DYRK3: variants seen among roughly 807,000 people sequenced by gnomAD.
DYRK3 encodes dual specificity tyrosine phosphorylation regulated kinase 3, also known as dual specificity tyrosine-phosphorylation-regulated kinase 3.
Under a neutral mutation model 40.8 loss-of-function variants are expected in DYRK3, and 30 were observed. The observed-to-expected ratio is 0.74, with a 90% CI of 0.55 to 1.00. DYRK3 has a LOEUF of 1.00. DYRK3 is among the 50% of genes least tolerant of loss of function. The pLI is 0.00. For synonymous variants in DYRK3, 272 were observed against 260.7 expected (o/e 1.04, Z -0.42); for missense variants, 699 against 731.5 (o/e 0.96, Z 0.51).
chr1:206,649,961 A>G lies in DYRK3; in HGVS notation c.*996A>G, dbSNP rs1553421095. On this transcript the variant is annotated 3_prime_UTR_variant, in exon 3 of 3. Transcript: ENST00000367109. Reference sequence around the variant, plus strand: ...TCCCCCCACTTTCACGTTAAGCTTAATGCTATTCCCTAGATCTGAGTGAAC... The same window carrying G: ...TCCCCCCACTTTCACGTTAAGCTTAGTGCTATTCCCTAGATCTGAGTGAAC... Among the ~76,000 whole-genome samples the G allele has an allele frequency of 5.9e-5, 9 of 152,216 alleles. No individual in the cohort carries two copies.
rs1035422763 is a variant in DYRK3 at position 206,654,688 on chromosome 1, C to T, written c.*5723C>T. Reference sequence around the variant, plus strand: ...TCAATGAGAAAAGATTTTAGAGTCACAGTGAACCCATCCATAAAAGGACTA... The same window carrying T: ...TCAATGAGAAAAGATTTTAGAGTCATAGTGAACCCATCCATAAAAGGACTA... On this transcript the variant is annotated 3_prime_UTR_variant, in exon 3 of 3. Coordinates refer to ENST00000367109, the MANE Select transcript of DYRK3 (RefSeq NM_003582.4). 6.6e-6 allele frequency among the ~76,000 whole-genome samples: 1 copy of T among 152,170 alleles called. No homozygotes were observed. The highest frequency in any genetic ancestry group is 1.5e-5 in the Non-Finnish European group (1 of 68,036).
chr1:206,647,598 A>G lies in DYRK3; in HGVS notation c.400A>G (p.Lys134Glu). 1 of 1,614,208 alleles carries G rather than the reference A, an allele frequency of 6.2e-7. No homozygotes were observed. The highest frequency in any genetic ancestry group is 8.5e-7 in the Non-Finnish European group (1 of 1,180,040). The change falls in exon 3 of 3, where the codon AAG becomes GAG. Residue 134 changes from lysine to glutamate, a missense_variant. Transcript: ENST00000367109. ...TACAGTAAAATCCAACAGTTCATCC[A>G]AGGCACCCAAAGTGGTGCCTCTGAC... Reference protein sequence around the residue: ...LNTVKSNSSSKAPKVVPLTPE... With the variant: ...LNTVKSNSSSEAPKVVPLTPE...
intron 1 of DYRK3, chr1:206,636,768 A>ATG (rs2102327780): frequency 1.7e-6 from 1 of 577,392 alleles, no homozygotes; most frequent in East Asian, 2.9e-5. Context: ...TGAAATGCTG[A>ATG]TGTGTGTAAC....
In DYRK3 at chr1:206,635,771, A is replaced by T; in HGVS notation, c.68A>T (p.Gln23Leu). The change falls in exon 1 of 3, where the codon CAG becomes CTG. Residue 23 changes from glutamine (Q) to leucine (L), a missense_variant. Transcript: ENST00000367109. The part of the protein sequence containing the change: ...AGPPGAGLPP[Q>L]QRRLGDGVYD... ...CCGCCTGGGGCCGGGCTCCCGCCCCAGCAGCGGAGGTAACGGCGCCACGGG... is the reference window on the plus strand; with the variant it reads ...CCGCCTGGGGCCGGGCTCCCGCCCCTGCAGCGGAGGTAACGGCGCCACGGG... The T allele has an allele frequency of 1.6e-6, 2 of 1,244,758 alleles. No homozygotes were observed. Among genetic ancestry groups the T allele is most frequent in the Non-Finnish European group, 1.0e-6 (1 of 989,528 alleles). The allele number at this position is 1,244,758 out of a possible 1,614,324, so 77.1% of individuals were successfully genotyped here. A position where few individuals can be genotyped will look rare whatever the true frequency, so the allele number is the denominator to read the frequency against.
chr1:206,641,448 T>C (rs188925854), intron 2 of DYRK3, among the ~76,000 whole-genome samples: 1 of 149,826 alleles, frequency 6.7e-6, no homozygotes, highest in Non-Finnish European at 1.5e-5. Context: ...TTCTATGGTA[T>C]ATATATATAT....
At chr1:206,642,986 T>C (rs1344661761) in intron 2 of DYRK3, among the ~76,000 whole-genome samples, 1 of 152,122 alleles carries the variant, frequency 6.6e-6, no homozygotes, top group Non-Finnish European at 1.5e-5. Context: ...GTGGAAAAAT[T>C]ACCTCCCAGA....
Position 206,654,370 on chromosome 1 carries a change from T to C in DYRK3, c.*5405T>C, listed in dbSNP as rs1671701028. On this transcript the variant is annotated 3_prime_UTR_variant, in exon 3 of 3. Coordinates refer to ENST00000367109, the MANE Select transcript of DYRK3 (RefSeq NM_003582.4). ...CAATCTGTAGAACGCTATAACTTACTATGCGTAGAGCAGCGGCAGGCATTC... is the reference window on the plus strand; with the variant it reads ...CAATCTGTAGAACGCTATAACTTACCATGCGTAGAGCAGCGGCAGGCATTC... 6.6e-6 allele frequency among the ~76,000 whole-genome samples: 1 copy of C among 152,242 alleles called. No homozygotes were observed. The highest frequency in any genetic ancestry group is 2.4e-5 in the African/African-American group (1 of 41,464).
In DYRK3 at chr1:206,654,213, A is replaced by T. The variant is rs1671698580; in HGVS notation, c.*5248A>T. Among the ~76,000 whole-genome samples the T allele has an allele frequency of 6.6e-6, 1 of 152,226 alleles. No homozygotes were observed. Among genetic ancestry groups the T allele is most frequent in the Non-Finnish European group, 1.5e-5 (1 of 68,040 alleles). Reference sequence around the variant, plus strand: ...GATGTCATCAACACGGAAGTTGGAAAGGTGACAATGATTGTTCTAGACTGC... The same window carrying T: ...GATGTCATCAACACGGAAGTTGGAATGGTGACAATGATTGTTCTAGACTGC... On this transcript the variant is annotated 3_prime_UTR_variant, in exon 3 of 3. Transcript: ENST00000367109.
At chr1:206,639,928 C>CTTT (rs1166474916) in intron 2 of DYRK3, among the ~76,000 whole-genome samples, 180 of 87,488 alleles carry the variant, frequency 2.1e-3, no homozygotes, top group Non-Finnish European at 2.6e-3. Context: ...TTACTCATTT[C>CTTT]TTTTTTTTTT....
Position 206,652,113 on chromosome 1 carries a change from A to G in DYRK3, c.*3148A>G, listed in dbSNP as rs1553421398. Among the ~76,000 whole-genome samples, 3 of 152,192 alleles carry G rather than the reference A, an allele frequency of 2.0e-5. No individual in the cohort carries two copies. The highest frequency in any genetic ancestry group is 7.2e-5 in the African/African-American group (3 of 41,454). On this transcript the variant is annotated 3_prime_UTR_variant, in exon 3 of 3. Coordinates refer to ENST00000367109, the MANE Select transcript of DYRK3 (RefSeq NM_003582.4). ...GGCGAGCACATCTTTAGGTGGCAGCAAGGCTATATCTGATTGACACAGATC... is the reference window on the plus strand; with the variant it reads ...GGCGAGCACATCTTTAGGTGGCAGCGAGGCTATATCTGATTGACACAGATC...
At chr1:206,638,791 A>C (rs1396040636) in intron 2 of DYRK3, among the ~76,000 whole-genome samples, 2 of 150,498 alleles carry the variant, frequency 1.3e-5, no homozygotes, top group Non-Finnish European at 3.0e-5. Context: ...AAGACCTGAA[A>C]TTGTTTCTAT....
intron 2 of DYRK3, among the ~76,000 whole-genome samples, chr1:206,643,856 T>C (rs988383886): frequency 5.0e-4 from 76 of 152,098 alleles, no homozygotes; most frequent in African/African-American, 1.7e-3. Context: ...ACTTAAACTT[T>C]AATGTATTGA....
chr1:206,637,587 T>C, intron 1 of DYRK3, 63 bp from the exon 2 acceptor site: 1 of 1,153,262 alleles, frequency 8.7e-7, no homozygotes, highest in Non-Finnish European at 1.3e-6. Context: ...ATGAAGCAGT[T>C]AAGACATAGG....
chr1:206,639,444 G>C (rs931926230), intron 2 of DYRK3, among the ~76,000 whole-genome samples: 3 of 149,824 alleles, frequency 2.0e-5, no homozygotes, highest in Non-Finnish European at 4.4e-5. Flanking sequence ...GTTAACATCT[G>C]ACTTTAAGTC....
rs1671563704 is a variant in DYRK3 at position 206,649,185 on chromosome 1, A to G, written c.*220A>G. ...TGGAATATGCATTAAATGACTTTTT[A>G]TAGGTCAATGCATCTTTGTTATTAT... On this transcript the variant is annotated 3_prime_UTR_variant, in exon 3 of 3. Transcript: ENST00000367109. 3 of 508,304 alleles carry G rather than the reference A, an allele frequency of 5.9e-6. No individual in the cohort carries two copies. Among genetic ancestry groups the G allele is most frequent in the Non-Finnish European group, 1.0e-5 (3 of 288,392 alleles). The allele number at this position is 508,304 out of a possible 1,614,324, so 31.5% of individuals were successfully genotyped here. A position where few individuals can be genotyped will look rare whatever the true frequency, so the allele number is the denominator to read the frequency against.
Position 206,637,754 on chromosome 1 carries a change from G to C in DYRK3, c.182G>C (p.Arg61Thr), listed in dbSNP as rs1553418610. 1.9e-6 allele frequency: 3 copies of C among 1,610,528 alleles called. No individual in the cohort carries two copies. The highest frequency in any genetic ancestry group is 8.5e-7 in the Non-Finnish European group (1 of 1,177,198). Residue 61 changes from arginine to threonine, a missense_variant, in exon 2 of 3, where the codon AGA becomes ACA. Arg to Thr is a moderately conservative substitution (Grantham distance 71). Transcript: ENST00000367109. ...CCTTCTGAACCACCTCCACCCAGAA[G>C]ACTAAATGTAAGTAAAAGAAGTCAT... ...CNPSEPPPPR[R>T]LNMTTEQFTG... is the part of the protein sequence containing the mutation.
At position 206,648,738 on chromosome 1, in the gene DYRK3, G is replaced by T. The variant is rs1553420846; in HGVS notation, c.1540G>T (p.Ala514Ser). ...GGACCCCTCTGCCCGCTTGACCCCA[G>T]CTCAAGCATTAAGACACCCTTGGAT... ...HWDPSARLTPAQALRHPWISK... is the reference protein window; with the variant it reads ...HWDPSARLTPSQALRHPWISK... Residue 514 changes from alanine (A) to serine (S), a missense_variant, in exon 3 of 3, where the codon GCT becomes TCT. Ala to Ser is a moderately conservative substitution (Grantham distance 99, BLOSUM62 1). Transcript: ENST00000367109. 1 of 1,614,060 alleles carries T rather than the reference G, an allele frequency of 6.2e-7. No individual in the cohort carries two copies.
At chr1:206,637,487 C>G (rs1671148707) in intron 1 of DYRK3, among the ~76,000 whole-genome samples, 163 bp from the exon 2 acceptor site, 2 of 152,220 alleles carry the variant, frequency 1.3e-5, no homozygotes, top group South Asian at 4.1e-4. Context: ...TGGATTTCCT[C>G]TGTACCTCTT....
At position 206,635,587 on chromosome 1, in the gene DYRK3, T is replaced by C. The variant is rs1671073120; in HGVS notation, c.-117T>C. ...CGAAAGTGCGCTGAGCTGCAGTGTCTGGTCGAGAGTACCCGTGGGAGCGTC... is the reference window on the plus strand; with the variant it reads ...CGAAAGTGCGCTGAGCTGCAGTGTCCGGTCGAGAGTACCCGTGGGAGCGTC... On this transcript the variant is annotated 5_prime_UTR_variant, in exon 1 of 3. Transcript: ENST00000367109. 1 of 1,191,300 alleles carries C rather than the reference T, an allele frequency of 8.4e-7. No individual in the cohort carries two copies. The highest frequency in any genetic ancestry group is 3.2e-5 in the East Asian group (1 of 31,450). 73.8% of individuals were successfully genotyped at this position (1,191,300 alleles called of 1,614,324 possible). A position where few individuals can be genotyped will look rare whatever the true frequency, so the allele number is the denominator to read the frequency against.
Sources: allele counts gnomAD v4.1 joint callset (sites outside exome capture counted in the v4.1 genomes callset), GRCh38; gene constraint gnomAD v4.1.1; transcripts MANE v1.5; gene names NCBI Gene and HGNC (gene_info 2026-07-23, HGNC 2026-07-21).